The following LRRC37B variants were observed in gnomAD, a reference collection of about 807,000 sequenced individuals.
LRRC37B encodes the protein leucine rich repeat containing 37B.
Under a neutral mutation model 98.3 loss-of-function variants are expected in LRRC37B, and 28 were observed. The ratio of observed to expected loss-of-function variants is 0.28; its 90% confidence interval spans 0.21 to 0.39. The LOEUF (loss-of-function observed/expected upper bound fraction) is 0.39. LRRC37B is among the 10% of genes least tolerant of loss of function. LRRC37B has a pLI of 1.00. For synonymous variants in LRRC37B, 364 were observed against 442.7 expected (o/e 0.82, Z 2.23); for missense variants, 938 against 1,182.7 (o/e 0.79, Z 3.03).
At chr17:32,023,505 C>G (rs1272286089) in intron 1 of LRRC37B, among the ~76,000 whole-genome samples, 2 of 152,206 alleles carry the variant, frequency 1.3e-5, no homozygotes, top group African/African-American at 4.8e-5. Context: ...ATTCTGGAGC[C>G]AGGCTGCCTG....
At chr17:32,038,865 TAAAG>T (rs757388177) in intron 7 of LRRC37B, among the ~76,000 whole-genome samples, 7 of 152,156 alleles carry the variant, frequency 4.6e-5, no homozygotes, top group East Asian at 3.9e-4. Flanking sequence ...CTCAAAAAAA[TAAAG>T]AAAGAAAGAA....
exon 1 of LRRC37B, chr17:32,022,376 C>A: frequency 1.4e-5 from 23 of 1,613,916 alleles, no homozygotes; most frequent in Non-Finnish European, 1.9e-5. Flanking sequence ...AGCATTCACA[C>A]CTGACTGAAG....
At chr17:32,013,632 TTTACCTC>T (rs1446865800) in intron 1 of LRRC37B, among the ~76,000 whole-genome samples, 4 of 152,092 alleles carry the variant, frequency 2.6e-5, no homozygotes, top group Non-Finnish European at 5.9e-5. Context: ...GAGTTAGCCT[TTTACCTC>T]TAAATACAAC....
At chr17:32,034,832 C>A in intron 5 of LRRC37B, 78 bp from the exon 9 acceptor site, 1 of 1,144,626 alleles carries the variant, frequency 8.7e-7, no homozygotes, top group Non-Finnish European at 1.3e-6. Flanking sequence ...AGTTCCATAC[C>A]AAAAAATGAA....
chr17:32,030,071 G>C lies in LRRC37B; in HGVS notation c.1905-585G>C, dbSNP rs1426518342. ...AGAGGGAGGGAAAAGCCCCATCTCTGTATAACTGAAGAAACTGCTTTCATG... is the reference window on the plus strand; with the variant it reads ...AGAGGGAGGGAAAAGCCCCATCTCTCTATAACTGAAGAAACTGCTTTCATG... On this transcript the variant is annotated intron_variant, in intron 3 of 11. Coordinates refer to ENST00000327564, the Ensembl canonical transcript of LRRC37B. Among the ~76,000 whole-genome samples the C allele has an allele frequency of 7.9e-5, 12 of 152,110 alleles. No homozygotes were observed. In the East Asian group the frequency reaches 1.8e-3, roughly 22 times the overall value.
At chr17:32,038,460 A>C (rs1229055361) in intron 7 of LRRC37B, among the ~76,000 whole-genome samples, 1 of 152,158 alleles carries the variant, frequency 6.6e-6, no homozygotes, top group African/African-American at 2.4e-5. Context: ...TACTATCTCA[A>C]AAATTAAATA....
In LRRC37B at chr17:32,045,852, A is replaced by G. The variant is rs865850528; in HGVS notation, c.2323+34A>G. On this transcript the variant is annotated intron_variant, in intron 8 of 11. Coordinates refer to ENST00000327564, the Ensembl canonical transcript of LRRC37B. ...AAATTGCCTGGTGATAAATTGTTAC[A>G]TTATTTTAAGTATTTGTTTTTAAAT... 18 of 1,582,402 alleles carry G rather than the reference A, an allele frequency of 1.1e-5. 1 individual carries two copies. Among genetic ancestry groups the G allele is most frequent in the Middle Eastern group, 3.3e-4 (2 of 5,996 alleles).
At chr17:32,043,792 T>G (rs1310769861) in intron 7 of LRRC37B, among the ~76,000 whole-genome samples, 2 of 152,108 alleles carry the variant, frequency 1.3e-5, no homozygotes, top group African/African-American at 4.8e-5. Context: ...CTCACAGACT[T>G]CATGTATCCA....
At chr17:32,021,612 C>A in exon 1 of LRRC37B, 1 of 1,614,216 alleles carries the variant, frequency 6.2e-7, no homozygotes, top group African/African-American at 1.3e-5. Context: ...CAAGTGGGTT[C>A]AAACTACAGA....
At chr17:32,020,644 A>C, upstream of LRRC37B, 1 of 386,198 alleles carries the variant, frequency 2.6e-6, no homozygotes, top group Non-Finnish European at 3.7e-6. Flanking sequence ...TTTTGGAATA[A>C]ATGACTGTAA....
exon 1 of LRRC37B, chr17:32,021,675 A>G (rs753603972): frequency 6.2e-7 from 1 of 1,614,266 alleles, no homozygotes; most frequent in Non-Finnish European, 8.5e-7. Context: ...TCCACTAGAC[A>G]GTAAGGTTTC....
In LRRC37B at chr17:32,036,976, ATTTTTTTTTT is replaced by A. The variant is rs71360793; in HGVS notation, c.2204+1357_2204+1366del. 7.4e-3 allele frequency among the ~76,000 whole-genome samples: 381 copies of A among 51,722 alleles called. 5 individuals are homozygous for A. Among genetic ancestry groups the A allele is most frequent in the African/African-American group, 0.025 (341 of 13,526 alleles). 33.9% of individuals were successfully genotyped at this position (51,722 alleles called of 152,430 possible). Reference sequence around the variant, plus strand: ...GTCACAGTTGTTCCACATCTTCAGCATTTTTTTTTTTTTTTTTTTTTTTTTTTTTGCAACA... The same window carrying A: ...GTCACAGTTGTTCCACATCTTCAGCATTTTTTTTTTTTTTTTTTTGCAACA... On this transcript the variant is annotated intron_variant, in intron 7 of 11. Transcript: ENST00000327564.
intron 7 of LRRC37B, among the ~76,000 whole-genome samples, chr17:32,039,518 ATATATG>A (rs201128092): frequency 0.11 from 3,082 of 27,310 alleles, 60 homozygotes; most frequent in Non-Finnish European, 0.13. Context: ...ATATATATAT[ATATATG>A]TATGTATTTT....
chr17:32,035,272 T>C (rs558839093), intron 6 of LRRC37B, among the ~76,000 whole-genome samples: 23 of 152,136 alleles, frequency 1.5e-4, no homozygotes, highest in African/African-American at 5.1e-4. Context: ...TTCATTATTC[T>C]AAAAAGAAAG....
At chr17:32,033,469 A>G (rs1911164462) in intron 5 of LRRC37B, among the ~76,000 whole-genome samples, 1 of 152,192 alleles carries the variant, frequency 6.6e-6, no homozygotes, top group African/African-American at 2.4e-5. Flanking sequence ...CTTCATACAG[A>G]GTAAGCACGT....
chr17:32,046,528 G>A (rs554775510), intron 8 of LRRC37B, among the ~76,000 whole-genome samples: 1 of 151,844 alleles, frequency 6.6e-6, no homozygotes, highest in East Asian at 1.9e-4. Flanking sequence ...GATATGGGGT[G>A]GATAATTAAT....
intron 1 of LRRC37B, among the ~76,000 whole-genome samples, 196 bp downstream of exon 1, chr17:32,008,328 A>G (rs1456260112): frequency 6.6e-6 from 1 of 152,168 alleles, no homozygotes; most frequent in Admixed American, 6.5e-5. Flanking sequence ...ATTGTTCAAA[A>G]TGGAGATTGC....
intron 3 of LRRC37B, among the ~76,000 whole-genome samples, chr17:32,030,173 A>G (rs1451753292): frequency 2.6e-5 from 4 of 152,124 alleles, no homozygotes; most frequent in Admixed American, 2.0e-4. Context: ...TATGATTTGA[A>G]TATTAGTTCA....
intron 7 of LRRC37B, chr17:32,045,384 TC>T (rs1911544162): frequency 3.6e-6 from 1 of 276,180 alleles, no homozygotes; most frequent in Non-Finnish European, 7.0e-6. Flanking sequence ...TCTACCTTCT[TC>T]CTGTATCTTT....
Sources: allele counts gnomAD v4.1 joint callset (sites outside exome capture counted in the v4.1 genomes callset), GRCh38; gene constraint gnomAD v4.1.1; transcripts MANE v1.5; gene names NCBI Gene and HGNC (gene_info 2026-07-23, HGNC 2026-07-21).